Variants in SSH1 observed in about 807,000 individuals in gnomAD.
SSH1 encodes slingshot protein phosphatase 1.
A neutral mutation model predicts 79.7 loss-of-function variants in SSH1; 43 were observed. The observed-to-expected ratio is 0.54, with a 90% CI of 0.42 to 0.70. The LOEUF (loss-of-function observed/expected upper bound fraction) is 0.70, where lower values mean the gene tolerates loss of function less well. Among genes scored for constraint, SSH1 ranks in the 30% least tolerant of loss-of-function variants. SSH1 has a pLI of 0.00. For synonymous variants in SSH1, 599 were observed against 538.3 expected, an observed-to-expected ratio of 1.11 and a Z score of -1.56; for missense variants, 1,206 against 1,358.8, an observed-to-expected ratio of 0.89 and a Z score of 1.77.
rs182511533 is a variant in SSH1, at chr12:108,836,818, C to T, written c.111-13457G>A. 103 of 470,598 alleles carry T rather than the reference C, an allele frequency of 2.2e-4. 1 individual carries two copies. Among genetic ancestry groups the T allele is most frequent in the African/African-American group, 1.7e-3 (86 of 51,258 alleles). The allele number at this position is 470,598 out of a possible 1,614,324, so 29.2% of individuals were successfully genotyped here. On this transcript the variant is annotated intron_variant, in intron 2 of 14. Coordinates refer to ENST00000326495, the MANE Select transcript of SSH1 (RefSeq NM_018984.4). ...GCCACCTTATGGGATTCAACGAGGA[C>T]GCAGCATCCCTTGGGTGATGTTCCA...
rs185659912 is a variant in SSH1, at chr12:108,814,426, T to G, written c.401+2612A>C. Among the ~76,000 whole-genome samples the G allele has an allele frequency of 6.0e-3, 914 of 151,712 alleles. 6 individuals carry two copies. Among genetic ancestry groups the G allele is most frequent in the Non-Finnish European group, 9.3e-3 (629 of 67,888 alleles). On this transcript the variant is annotated intron_variant, in intron 5 of 14. Transcript: ENST00000326495. ...TAGAAAAAACAAGTACATTGCTCCC[T>G]CAGCAGGCCAAAGGCTTCTGGCGGG... is the stretch of plus-strand genomic sequence containing the variant.
At chr12:108,811,691 C>T (rs1387010360) in intron 5 of SSH1, 3 of 379,890 alleles carry the variant, frequency 7.9e-6, no homozygotes, top group East Asian at 6.1e-5. Context: ...TGGGTGGCGG[C>T]AGGGGGAGCG....
At position 108,801,555 on chromosome 12, in the gene SSH1, C is replaced by T. The variant is rs1002626751; in HGVS notation, c.1002-629G>A. Among the ~76,000 whole-genome samples, 6 of 152,018 alleles carry T rather than the reference C, an allele frequency of 3.9e-5. No homozygotes were observed. The South Asian group carries it at 6.2e-4, about 16-fold the overall frequency. On this transcript the variant is annotated intron_variant, in intron 11 of 14. Coordinates refer to ENST00000326495, the MANE Select transcript of SSH1 (RefSeq NM_018984.4). ...AATCATTAATTTATTCCCAGCAAGA[C>T]GAAAGCACAGAAGAGTATGGCCTTA...
intron 12 of SSH1, among the ~76,000 whole-genome samples, chr12:108,800,250 C>T (rs920458096): frequency 2.6e-5 from 4 of 152,170 alleles, no homozygotes; most frequent in East Asian, 3.9e-4. Context: ...AAACCGCTGA[C>T]GGGCTCAGGG....
intron 2 of SSH1, among the ~76,000 whole-genome samples, chr12:108,824,851 G>A (rs377430983): frequency 1.3e-5 from 2 of 152,080 alleles, no homozygotes; most frequent in African/African-American, 2.4e-5. Context: ...CTTCAGCTAT[G>A]AATTACTATC....
chr12:108,829,095 A>C (rs2038407706), intron 2 of SSH1, among the ~76,000 whole-genome samples: 1 of 152,180 alleles, frequency 6.6e-6, no homozygotes, highest in South Asian at 2.1e-4. Context: ...TGGGAGGCTG[A>C]GATGGGTGGA....
intron 2 of SSH1, among the ~76,000 whole-genome samples, chr12:108,835,645 TA>T (rs34466673): frequency 0.37 from 55,420 of 151,040 alleles, 12,160 homozygotes; most frequent in African/African-American, 0.59. Context: ...AATTCAGACC[TA>T]AAAACCATTT....
In SSH1 at chr12:108,788,658, T is replaced by C. The variant is rs768256084; in HGVS notation, c.2480A>G (p.Lys827Arg). Residue 827 changes from lysine (K) to arginine (R), a missense_variant, in exon 15 of 15, where the codon AAA (lysine) becomes AGA (arginine). Transcript: ENST00000326495. Reference sequence around the variant, plus strand: ...CACGCTCTTCAGCCGCTCTAGCTCTTTGGTGTGCTTGCGGACCAAGCCTGC... The same window carrying C: ...CACGCTCTTCAGCCGCTCTAGCTCTCTGGTGTGCTTGCGGACCAAGCCTGC... ...QKAGLVRKHT[K>R]ELERLKSVPA... The C allele has an allele frequency of 1.2e-5, 19 of 1,614,010 alleles. No individual in the cohort carries two copies. The highest frequency in any genetic ancestry group is 1.2e-5 in the Non-Finnish European group (14 of 1,180,000).
Position 108,784,729 on chromosome 12 carries a change from AG to A in SSH1, c.*3258del, listed in dbSNP as rs2036224512. ...GAGAAGACTTTCCTGTATCAATGCA[AG>A]GTGAAGATGTAGAAAAGTTCAGTCT... On this transcript the variant is annotated 3_prime_UTR_variant, in exon 15 of 15. Coordinates refer to ENST00000326495, the MANE Select transcript of SSH1 (RefSeq NM_018984.4). The A allele has an allele frequency of 6.6e-6, 1 of 152,222 alleles. No individual in the cohort carries two copies. The highest frequency in any genetic ancestry group is 1.5e-5 in the Non-Finnish European group (1 of 68,038). The allele number at this position is 152,222 out of a possible 1,614,324, so 9.4% of individuals were successfully genotyped here.
At chr12:108,794,287 G>A (rs1343431028) in intron 13 of SSH1, among the ~76,000 whole-genome samples, 2 of 152,190 alleles carry the variant, frequency 1.3e-5, no homozygotes, top group Admixed American at 6.5e-5. Context: ...TGAGAGCCTG[G>A]GGTACTGGAA....
At chr12:108,842,140 A>AAG (rs936395723) in intron 2 of SSH1, among the ~76,000 whole-genome samples, 2 of 152,046 alleles carry the variant, frequency 1.3e-5, no homozygotes, top group Non-Finnish European at 2.9e-5. Context: ...AAAAGAAGAA[A>AAG]AGAGAGAGAG....
At chr12:108,854,984 G>C (rs547978508) in intron 1 of SSH1, among the ~76,000 whole-genome samples, 1 of 152,306 alleles carries the variant, frequency 6.6e-6, no homozygotes, top group Non-Finnish European at 1.5e-5. Context: ...GAATGCTGCA[G>C]CTTTGCTATG....
chr12:108,792,687 C>T lies in SSH1; in HGVS notation c.1492G>A (p.Ala498Thr), dbSNP rs1213281915. ...PESQLPFLDD[A>T]AQPGLGPPLP... is the part of the protein sequence containing the mutation. ...GGGGGCCCTAAGCCGGGCTGGGCGGCATCATCCAAGAAGGGCAGCTGGCTT... is the reference window on the plus strand; with the variant it reads ...GGGGGCCCTAAGCCGGGCTGGGCGGTATCATCCAAGAAGGGCAGCTGGCTT... The change falls in exon 14 of 15, where the codon GCC (alanine) becomes ACC (threonine). Residue 498 changes from alanine to threonine, a missense_variant. Physicochemically the swap from Ala to Thr is moderately conservative, Grantham distance 58. Transcript: ENST00000326495. 1 of 1,612,758 alleles carries T rather than the reference C, an allele frequency of 6.2e-7. No homozygotes were observed.
At chr12:108,791,660 G>C (rs914285445) in intron 14 of SSH1, among the ~76,000 whole-genome samples, 1 of 152,184 alleles carries the variant, frequency 6.6e-6, no homozygotes, top group Non-Finnish European at 1.5e-5. Context: ...TCAGGAGGCT[G>C]AGGTAGGAGG....
Position 108,787,869 on chromosome 12 carries a change from A to T in SSH1, c.*119T>A. ...CTATGGCAAGAGTAGGGGAAAAGTT[A>T]GGATGACTTCACTCGTTTAAGGGAA... On this transcript the variant is annotated 3_prime_UTR_variant, in exon 15 of 15. Transcript: ENST00000326495. 1 of 1,311,004 alleles carries T rather than the reference A, an allele frequency of 7.6e-7. No homozygotes were observed. Among genetic ancestry groups the T allele is most frequent in the Non-Finnish European group, 1.1e-6 (1 of 933,722 alleles). The allele number at this position is 1,311,004 out of a possible 1,614,324, so 81.2% of individuals were successfully genotyped here.
At chr12:108,846,658 C>T (rs1224241247) in intron 2 of SSH1, among the ~76,000 whole-genome samples, 1 of 152,260 alleles carries the variant, frequency 6.6e-6, no homozygotes. Flanking sequence ...TGAGTTACAA[C>T]ACTGCTTCCT....
chr12:108,829,003 C>T (rs1025345251), intron 2 of SSH1, among the ~76,000 whole-genome samples: 9 of 152,114 alleles, frequency 5.9e-5, no homozygotes, highest in South Asian at 2.1e-4. Flanking sequence ...GCATGGACAA[C>T]GCCCATGGTG....
chr12:108,794,658 A>T (rs2036664798), intron 13 of SSH1, among the ~76,000 whole-genome samples: 1 of 152,212 alleles, frequency 6.6e-6, no homozygotes, highest in Non-Finnish European at 1.5e-5. Context: ...CAAAGGGAAA[A>T]GTCAAGCCGG....
intron 13 of SSH1, among the ~76,000 whole-genome samples, chr12:108,794,261 C>G (rs2036644496): frequency 6.6e-6 from 1 of 152,238 alleles, no homozygotes; most frequent in South Asian, 2.1e-4. Context: ...GCCGCCCAGG[C>G]TCTGGGCTTC....
Sources: gnomAD v4.1 joint callset for allele counts (sites outside exome capture counted in the v4.1 genomes callset) on GRCh38, gnomAD v4.1.1 for gene constraint, MANE v1.5 for transcripts, NCBI Gene and HGNC (gene_info 2026-07-23, HGNC 2026-07-21) for gene names.